CMKLR2: variants seen among roughly 807,000 people sequenced by gnomAD.
CMKLR2 encodes chemerin-like receptor 2.
In CMKLR2, 18 loss-of-function variants were observed where a neutral mutation model predicts 23.0. The observed-to-expected ratio is 0.78, with a 90% CI of 0.54 to 1.16. CMKLR2 has a LOEUF of 1.16. Among genes scored for constraint, CMKLR2 ranks in the 50% most tolerant of loss-of-function variants. The pLI is 0.00. For missense variants in CMKLR2, 401 were observed against 412.7 expected (o/e 0.97, Z 0.25); for synonymous variants, 158 against 158.9 (o/e 0.99, Z 0.05).
At chr2:206,216,035 T>A (rs1689742539), upstream of CMKLR2, among the ~76,000 whole-genome samples, 1 of 152,228 alleles carries the variant, frequency 6.6e-6, no homozygotes, top group Non-Finnish European at 1.5e-5. Flanking sequence ...ATAGCAAAAC[T>A]TCTGCCAGGT....
intron 1 of CMKLR2, among the ~76,000 whole-genome samples, chr2:206,200,971 C>A (rs67294705): frequency 0.22 from 33,194 of 151,814 alleles, 3,816 homozygotes; most frequent in Admixed American, 0.29. Flanking sequence ...TATTTTTTAG[C>A]GGTAGGGTCT....
chr2:206,204,141 A>G (rs1268369384), intron 1 of CMKLR2, among the ~76,000 whole-genome samples: 1 of 152,094 alleles, frequency 6.6e-6, no homozygotes, highest in African/African-American at 2.4e-5. Flanking sequence ...TCACGAGGTC[A>G]GGAGATCGAG....
chr2:206,201,531 G>A (rs1278774265), intron 1 of CMKLR2, among the ~76,000 whole-genome samples: 2 of 151,922 alleles, frequency 1.3e-5, no homozygotes, highest in Non-Finnish European at 2.9e-5. Flanking sequence ...ATTCACCAAG[G>A]GCATCACAAT....
rs180675074 is a variant in CMKLR2, at chr2:206,208,873, G to A, written c.-29+4434C>T. ...TTTGGTAGAAACAAGGACTCACTAC[G>A]GTGCCCAGGCTGGTCTCGAACTCTT... On this transcript the variant is annotated intron_variant, in intron 1 of 1. Coordinates refer to ENST00000621141, the MANE Select transcript of CMKLR2 (RefSeq NM_001389445.1). 3.1e-3 allele frequency among the ~76,000 whole-genome samples: 465 copies of A among 152,112 alleles called. 1 individual carries two copies. Among genetic ancestry groups the A allele is most frequent in the African/African-American group, 7.2e-3 (297 of 41,512 alleles).
chr2:206,185,537 T>G (rs1458573387), intron 1 of CMKLR2, among the ~76,000 whole-genome samples: 1 of 152,164 alleles, frequency 6.6e-6, no homozygotes, highest in African/African-American at 2.4e-5. Flanking sequence ...GGAGGTTACA[T>G]CATATAGATG....
At chr2:206,208,210 G>T (rs994181027) in intron 1 of CMKLR2, among the ~76,000 whole-genome samples, 1 of 152,122 alleles carries the variant, frequency 6.6e-6, no homozygotes, top group African/African-American at 2.4e-5. Context: ...AATGTCTCGT[G>T]AAAGAAGAAG....
chr2:206,193,161 C>A (rs1382822323), intron 1 of CMKLR2, among the ~76,000 whole-genome samples: 1 of 152,118 alleles, frequency 6.6e-6, no homozygotes, highest in Admixed American at 6.6e-5. Flanking sequence ...TGCAATGGCA[C>A]GATCTTGGCC....
At position 206,176,702 on chromosome 2, in the gene CMKLR2, A is replaced by T; in HGVS notation, c.546T>A (p.Asn182Lys). 6.2e-7 allele frequency: 1 copy of T among 1,614,222 alleles called. No individual in the cohort carries two copies. The highest frequency in any genetic ancestry group is 8.5e-7 in the Non-Finnish European group (1 of 1,180,040). Residue 182 changes from asparagine (N) to lysine (K), a missense_variant, in exon 2 of 2, where the codon AAT becomes AAA. Physicochemically the swap from Asn to Lys is moderately conservative, Grantham distance 94. Coordinates refer to ENST00000621141, the MANE Select transcript of CMKLR2 (RefSeq NM_001389445.1). ...AATTGTTATAGCAAAGAGTATGATT[A>T]TTGAACTCCACAGTGTCCCGGAAGT... ...ALYFRDTVEF[N>K]NHTLCYNNFQ...
At chr2:206,194,740 T>C (rs1190848934) in intron 1 of CMKLR2, among the ~76,000 whole-genome samples, 3 of 127,582 alleles carry the variant, frequency 2.4e-5, no homozygotes, top group Non-Finnish European at 3.3e-5. Flanking sequence ...TGGGCCATCA[T>C]AGACTTTTTT....
chr2:206,191,020 T>A (rs984887947), intron 1 of CMKLR2, among the ~76,000 whole-genome samples: 7 of 152,198 alleles, frequency 4.6e-5, no homozygotes, highest in African/African-American at 1.7e-4. Context: ...AGGAAGAAAC[T>A]TTTAGGCTTA....
chr2:206,187,878 G>C (rs1300376942), intron 1 of CMKLR2, among the ~76,000 whole-genome samples: 2 of 152,088 alleles, frequency 1.3e-5, no homozygotes, highest in Non-Finnish European at 2.9e-5. Flanking sequence ...AATGAAGACA[G>C]ATAGTAGGTG....
At chr2:206,212,880 G>T (rs375104895) in intron 1 of CMKLR2, among the ~76,000 whole-genome samples, 1 of 152,002 alleles carries the variant, frequency 6.6e-6, no homozygotes, top group Non-Finnish European at 1.5e-5. Context: ...CTTTCATCTC[G>T]GAGTACCATT....
chr2:206,193,300 T>C (rs1055700216), intron 1 of CMKLR2, among the ~76,000 whole-genome samples: 1 of 152,204 alleles, frequency 6.6e-6, no homozygotes, highest in Admixed American at 6.5e-5. Flanking sequence ...GGTTTCACCA[T>C]GTTGGCCAGG....
intron 1 of CMKLR2, among the ~76,000 whole-genome samples, chr2:206,209,401 G>T (rs1689454570): frequency 6.6e-6 from 1 of 151,798 alleles, no homozygotes; most frequent in Admixed American, 6.6e-5. Flanking sequence ...TTAAGTTCTG[G>T]GATACAAGTG....
At chr2:206,212,832 TTTTTTCCCACCTTGTAATCTAAAGAGGGC>T (rs1052950240) in intron 1 of CMKLR2, among the ~76,000 whole-genome samples, 2 of 152,158 alleles carry the variant, frequency 1.3e-5, no homozygotes, top group Non-Finnish European at 2.9e-5. Context: ...AATTTATAAC[TTTTTTCCCACCTTGTAATCTAAAGAGGGC>T]AATATCAGCT....
chr2:206,201,782 TAAG>T, intron 1 of CMKLR2, among the ~76,000 whole-genome samples: 1 of 152,130 alleles, frequency 6.6e-6, no homozygotes, highest in Non-Finnish European at 1.5e-5. Context: ...AATTACAGTT[TAAG>T]AGAAACAATG....
chr2:206,206,866 A>T (rs1689340505), intron 1 of CMKLR2, among the ~76,000 whole-genome samples: 1 of 148,896 alleles, frequency 6.7e-6, no homozygotes. Context: ...AGAGAATTTG[A>T]GTTCTTGATT....
intron 1 of CMKLR2, among the ~76,000 whole-genome samples, chr2:206,178,524 A>C (rs1688301362): frequency 6.6e-6 from 1 of 152,198 alleles, no homozygotes; most frequent in Non-Finnish European, 1.5e-5. Flanking sequence ...TAATTTCTAT[A>C]TTAATTTCCT....
chr2:206,196,432 G>A (rs1489312158), intron 1 of CMKLR2, among the ~76,000 whole-genome samples: 1 of 149,662 alleles, frequency 6.7e-6, no homozygotes, highest in Non-Finnish European at 1.5e-5. Context: ...CCAGGAGAGA[G>A]CGATGCTGAA....
Sources: gnomAD v4.1 joint callset for allele counts (sites outside exome capture counted in the v4.1 genomes callset) on GRCh38, gnomAD v4.1.1 for gene constraint, MANE v1.5 for transcripts, NCBI Gene and HGNC (gene_info 2026-07-23, HGNC 2026-07-21) for gene names.